HK1: variants seen among roughly 807,000 people sequenced by gnomAD.
HK1 encodes hexokinase 1, also known as hexokinase-1.
HK1 carries 28 observed loss-of-function variants against 91.6 expected under a neutral mutation model. The ratio of observed to expected loss-of-function variants is 0.31; its 90% CI spans 0.23 to 0.42. The LOEUF is 0.42. Ranked by LOEUF, HK1 falls within the 10% of genes least tolerant of loss-of-function variation. The probability of loss-of-function intolerance (pLI) is 1.00; values close to 1 mark genes in which losing one functional copy is unlikely to be tolerated. For synonymous variants in HK1, 430 were observed against 468.1 expected (o/e 0.92, Z 1.05); for missense variants, 770 against 1,219.8 (o/e 0.63, Z 5.49).
chr10:69,349,171 T>C (rs932739674), intron 2 of HK1, among the ~76,000 whole-genome samples: 4 of 152,146 alleles, frequency 2.6e-5, no homozygotes, highest in African/African-American at 9.7e-5. Flanking sequence ...AGGCTGAGCT[T>C]GTAGCCAAAG....
chr10:69,295,710 T>C, intron 4 of HK1: 3 of 1,368,514 alleles, frequency 2.2e-6, no homozygotes, highest in Non-Finnish European at 3.1e-6. Context: ...TTTTATTTCC[T>C]TCTGTAACAT....
At chr10:69,282,655 G>A (rs1012764847) in exon 2 of HK1, 1 of 152,208 alleles carries the variant, frequency 6.6e-6, no homozygotes, top group African/African-American at 2.4e-5. Context: ...GACAGTGTAT[G>A]TTGTCCTTTT....
At chr10:69,325,366 C>CT (rs1449812208) in intron 1 of HK1, among the ~76,000 whole-genome samples, 10 of 137,742 alleles carry the variant, frequency 7.3e-5, no homozygotes, top group East Asian at 2.2e-4. Flanking sequence ...TTTTCTTATT[C>CT]TTTTTTTTTG....
intron 2 of HK1, among the ~76,000 whole-genome samples, chr10:69,358,129 G>A (rs1849222517): frequency 6.6e-6 from 1 of 152,200 alleles, no homozygotes; most frequent in Admixed American, 6.5e-5. Context: ...ATCATGTGCT[G>A]TGGAAGGCAG....
At chr10:69,391,426 G>A (rs1401499483) in intron 14 of HK1, among the ~76,000 whole-genome samples, 3 of 152,212 alleles carry the variant, frequency 2.0e-5, no homozygotes, top group Non-Finnish European at 4.4e-5. Context: ...AGGGTAGCTC[G>A]AGCCCAGGAA....
At chr10:69,301,105 G>T (rs992644342) in intron 5 of HK1, among the ~76,000 whole-genome samples, 1 of 151,894 alleles carries the variant, frequency 6.6e-6, no homozygotes, top group Non-Finnish European at 1.5e-5. Flanking sequence ...AATTAGCCGG[G>T]TGTAGTGTTG....
chr10:69,384,912 C>T lies in HK1; in HGVS notation c.1836C>T (p.Asp612=), dbSNP rs143834023. ...FSFPCQQTSL[D]AGILITWTKG... ...TTCCCTGCCAGCAGACGAGTCTGGACGCGGTGAGTCTCTGTTCTTAGGGCT... is the reference window on the plus strand; with the variant it reads ...TTCCCTGCCAGCAGACGAGTCTGGATGCGGTGAGTCTCTGTTCTTAGGGCT... The change falls in exon 12 of 18, where the codon GAC becomes GAT. Residue 612 remains aspartate (D), a synonymous_variant. Transcript: ENST00000359426. 1.6e-5 allele frequency: 26 copies of T among 1,614,038 alleles called. No individual in the cohort carries two copies. The highest frequency in any genetic ancestry group is 2.7e-5 in the African/African-American group (2 of 74,908).
intron 5 of HK1, among the ~76,000 whole-genome samples, chr10:69,304,275 A>ATTAT (rs141139312): frequency 0.084 from 12,094 of 143,322 alleles, 649 homozygotes; most frequent in African/African-American, 0.14. Flanking sequence ...TTTTATTTTT[A>ATTAT]TTATTTATTT....
At chr10:69,275,759 C>T (rs893126110) in intron 1 of HK1, among the ~76,000 whole-genome samples, 2 of 152,040 alleles carry the variant, frequency 1.3e-5, no homozygotes, top group African/African-American at 2.4e-5. Context: ...AATATGTTTG[C>T]TTTGAAATTT....
chr10:69,341,589 C>T (rs567474026), intron 1 of HK1, among the ~76,000 whole-genome samples: 7 of 152,098 alleles, frequency 4.6e-5, no homozygotes, highest in African/African-American at 9.6e-5. Context: ...CTCAGCCTCC[C>T]GAGTAGCTGA....
intron 4 of HK1, among the ~76,000 whole-genome samples, chr10:69,368,150 C>T (rs1325061461): frequency 2.0e-5 from 3 of 152,192 alleles, no homozygotes; most frequent in Admixed American, 6.5e-5. Flanking sequence ...CTGTGGAAGC[C>T]GGGGTCTGGT....
chr10:69,293,855 CTTTTTT>C (rs34434447), intron 3 of HK1, among the ~76,000 whole-genome samples: 43 of 98,970 alleles, frequency 4.3e-4, no homozygotes, highest in African/African-American at 1.6e-3. Flanking sequence ...ATATTTCTTT[CTTTTTT>C]TTTTTTTTTT....
At chr10:69,338,680 AGT>A (rs10578071) in intron 1 of HK1, 575,271 of 1,159,772 alleles carry the variant, frequency 0.5, 68,922 homozygotes, top group East Asian at 0.61. Flanking sequence ...TGGAGATGTG[AGT>A]GTGTGTGTGT....
chr10:69,319,934 C>G (rs1846910038), intron 1 of HK1, among the ~76,000 whole-genome samples: 1 of 151,472 alleles, frequency 6.6e-6, no homozygotes, highest in South Asian at 2.1e-4. Flanking sequence ...CCAGGCCCAC[C>G]CACCCTGAAC....
At chr10:69,290,311 A>G (rs1395816975) in intron 3 of HK1, among the ~76,000 whole-genome samples, 5 of 152,156 alleles carry the variant, frequency 3.3e-5, no homozygotes, top group Admixed American at 6.5e-5. Context: ...AGTGGACAAT[A>G]CAAGCTCAAG....
chr10:69,283,916 C>T (rs1278586379), intron 2 of HK1, among the ~76,000 whole-genome samples: 2 of 151,980 alleles, frequency 1.3e-5, no homozygotes, highest in Non-Finnish European at 2.9e-5. Flanking sequence ...ACAGATGAGG[C>T]CCAGAGAGAG....
At chr10:69,361,904 G>A (rs1320603123) in intron 3 of HK1, among the ~76,000 whole-genome samples, 3 of 151,874 alleles carry the variant, frequency 2.0e-5, no homozygotes, top group Non-Finnish European at 4.4e-5. Context: ...CACAACCTCC[G>A]CCTCCCGGGT....
At chr10:69,351,589 A>C (rs1564533747) in intron 2 of HK1, among the ~76,000 whole-genome samples, 1 of 152,236 alleles carries the variant, frequency 6.6e-6, no homozygotes, top group Non-Finnish European at 1.5e-5. Flanking sequence ...AGAGCCCCAG[A>C]AAAGAAGTGT....
intron 9 of HK1, 72 bp from the exon 10 acceptor site, chr10:69,382,415 G>T: frequency 6.8e-7 from 1 of 1,464,660 alleles, no homozygotes; most frequent in Non-Finnish European, 9.6e-7. Context: ...AGTGGAGAAA[G>T]AAAGGGTGGC....
Sources: allele counts gnomAD v4.1 joint callset (sites outside exome capture counted in the v4.1 genomes callset), GRCh38; gene constraint gnomAD v4.1.1; transcripts MANE v1.5; gene names NCBI Gene and HGNC (gene_info 2026-07-23, HGNC 2026-07-21).